The following GPR139 variants were observed in gnomAD, a reference collection of about 807,000 sequenced individuals.
GPR139 encodes the protein probable G protein-coupled receptor 139.
Under a neutral mutation model 25.8 loss-of-function variants are expected in GPR139, and 12 were observed. That is an observed-to-expected ratio of 0.47 (90% CI 0.30 to 0.75). The LOEUF (loss-of-function observed/expected upper bound fraction) is 0.75, where lower values mean the gene tolerates loss of function less well. Among genes scored for constraint, GPR139 ranks in the 30% least tolerant of loss-of-function variants. The pLI is 0.07. For synonymous variants in GPR139, 184 were observed against 179.9 expected (o/e 1.02, Z -0.18); for missense variants, 380 against 450.2 (o/e 0.84, Z 1.41).
At chr16:20,038,174 TC>T (rs565502770) in intron 1 of GPR139, among the ~76,000 whole-genome samples, 4 of 151,660 alleles carry the variant, frequency 2.6e-5, no homozygotes, top group Admixed American at 6.6e-5. Flanking sequence ...AACCTCTTTT[TC>T]CCCCCCATCC....
At chr16:20,041,595 TCAGTGGTCA>T (rs2057336551) in intron 1 of GPR139, among the ~76,000 whole-genome samples, 1 of 151,980 alleles carries the variant, frequency 6.6e-6, no homozygotes, top group African/African-American at 2.4e-5. Flanking sequence ...CTGACAAGAC[TCAGTGGTCA>T]GTCTTTTAGC....
chr16:20,043,221 T>C (rs938948862), intron 1 of GPR139, among the ~76,000 whole-genome samples: 1 of 152,202 alleles, frequency 6.6e-6, no homozygotes, highest in Admixed American at 6.5e-5. Context: ...TGACCTCCTC[T>C]TGACAGCAGA....
intron 1 of GPR139, among the ~76,000 whole-genome samples, chr16:20,053,366 G>C (rs2057378799): frequency 6.6e-6 from 1 of 152,212 alleles, no homozygotes; most frequent in African/African-American, 2.4e-5. Flanking sequence ...CCAGGAGGAA[G>C]AGGATCTTCC....
chr16:20,062,618 C>T (rs573857869), intron 1 of GPR139, among the ~76,000 whole-genome samples: 2 of 152,264 alleles, frequency 1.3e-5, no homozygotes, highest in South Asian at 2.1e-4. Flanking sequence ...TCTTGTGTCA[C>T]GAGTACTATC....
At chr16:20,036,207 T>C (rs1366348772) in intron 1 of GPR139, among the ~76,000 whole-genome samples, 1 of 152,158 alleles carries the variant, frequency 6.6e-6, no homozygotes, top group Non-Finnish European at 1.5e-5. Context: ...CCTAATCATA[T>C]ATAGTCAGAG....
chr16:20,052,549 G>A (rs1156513446), intron 1 of GPR139, among the ~76,000 whole-genome samples: 2 of 152,310 alleles, frequency 1.3e-5, no homozygotes, highest in East Asian at 3.9e-4. Flanking sequence ...TGTAATCCCA[G>A]CACTTTGGGA....
chr16:20,054,521 C>G (rs183557562), intron 1 of GPR139, among the ~76,000 whole-genome samples: 1 of 151,884 alleles, frequency 6.6e-6, no homozygotes, highest in Non-Finnish European at 1.5e-5. Context: ...AAAGCCCAGA[C>G]GTATCAGTAA....
intron 1 of GPR139, among the ~76,000 whole-genome samples, chr16:20,067,605 G>T (rs917911867): frequency 6.6e-6 from 1 of 152,062 alleles, no homozygotes; most frequent in Non-Finnish European, 1.5e-5. Context: ...GGGAGTTTGA[G>T]ACCAGCCTGA....
chr16:20,036,244 G>A (rs2141201423), intron 1 of GPR139, among the ~76,000 whole-genome samples: 1 of 152,248 alleles, frequency 6.6e-6, no homozygotes, highest in Non-Finnish European at 1.5e-5. Context: ...CTGTAAAGAG[G>A]TTGAGGTCTA....
intron 1 of GPR139, among the ~76,000 whole-genome samples, chr16:20,069,558 A>C (rs16969515): frequency 2.0e-5 from 3 of 151,806 alleles, no homozygotes; most frequent in Admixed American, 6.6e-5. Context: ...TCTTGCACCA[A>C]CTCTCAAAGG....
intron 1 of GPR139, among the ~76,000 whole-genome samples, chr16:20,047,021 T>A (rs1444327824): frequency 6.6e-6 from 1 of 152,060 alleles, no homozygotes; most frequent in Non-Finnish European, 1.5e-5. Flanking sequence ...CAGTGAGCTA[T>A]GTTCATGCAA....
chr16:20,037,527 T>G (rs2057314399), intron 1 of GPR139, among the ~76,000 whole-genome samples: 1 of 151,760 alleles, frequency 6.6e-6, no homozygotes, highest in South Asian at 2.1e-4. Context: ...GGAAAAGGAT[T>G]CTAGGCAGTG....
Position 20,039,790 on chromosome 16 carries a change from C to A in GPR139, c.128-7121G>T, listed in dbSNP as rs113751458. ...AGAAGGGGAAAGTCTGTCAAAACCC[C>A]GTCTTCCATGGATAATGTGTCAGCT... On this transcript the variant is annotated intron_variant, in intron 1 of 1. Transcript: ENST00000570682. Among the ~76,000 whole-genome samples the A allele has an allele frequency of 2.8e-4, 42 of 152,252 alleles. 1 individual carries two copies. Among genetic ancestry groups the A allele is most frequent in the African/African-American group, 9.9e-4 (41 of 41,562 alleles).
Position 20,032,367 on chromosome 16 carries a change from G to A in GPR139, c.430C>T (p.Arg144Cys), listed in dbSNP as rs750115024. The A allele has an allele frequency of 4.3e-6, 7 of 1,614,206 alleles. No individual in the cohort carries two copies. Among genetic ancestry groups the A allele is most frequent in the East Asian group, 2.2e-5 (1 of 44,888 alleles). The change falls in exon 2 of 2, where the codon CGC becomes TGC. Residue 144 changes from arginine (R) to cysteine (C), a missense_variant. By Grantham distance (180) the Arg-to-Cys change is radical. Coordinates refer to ENST00000570682, the MANE Select transcript of GPR139 (RefSeq NM_001002911.4). The part of the protein sequence containing the change: ...LKYHTVSYPA[R>C]TRKVIVSVYI... ...ACACTTACAATGACTTTCCGGGTGCGGGCTGGGTATGAGACCGTGTGGTAC... is the reference window on the plus strand; with the variant it reads ...ACACTTACAATGACTTTCCGGGTGCAGGCTGGGTATGAGACCGTGTGGTAC...
rs1323400809 is a variant in GPR139, at chr16:20,073,113, C to G, written c.127+377G>C. 6.6e-6 allele frequency among the ~76,000 whole-genome samples: 1 copy of G among 152,126 alleles called. No homozygotes were observed. Among genetic ancestry groups the G allele is most frequent in the African/African-American group, 2.4e-5 (1 of 41,440 alleles). On this transcript the variant is annotated intron_variant, in intron 1 of 1. Transcript: ENST00000570682. This position sits in a 1 kb window ranked among gnomAD's most constrained non-coding sequence, Gnocchi z 4.7. ...GGAAGCCTCCACGAAGCCTTCTGTC[C>G]AGAACATGCAGTCAAGCCAAACACA...
At chr16:20,056,933 A>G (rs1273199951) in intron 1 of GPR139, among the ~76,000 whole-genome samples, 1 of 152,150 alleles carries the variant, frequency 6.6e-6, no homozygotes, top group Non-Finnish European at 1.5e-5. Flanking sequence ...AAATTCACCT[A>G]CCTGTCCTTG....
chr16:20,033,062 C>G (rs192051387), intron 1 of GPR139, among the ~76,000 whole-genome samples: 1 of 149,642 alleles, frequency 6.7e-6, no homozygotes, highest in African/African-American at 2.5e-5. Context: ...CCGTGAGAGG[C>G]GATGCTGCCA....
intron 1 of GPR139, among the ~76,000 whole-genome samples, chr16:20,036,159 C>T (rs190202239): frequency 2.0e-5 from 3 of 152,242 alleles, no homozygotes; most frequent in Admixed American, 6.5e-5. Flanking sequence ...GTGAAGGGCC[C>T]TGATTAAAGG....
chr16:20,032,757 C>T (rs1339676931), intron 1 of GPR139, 88 bp from the exon 2 acceptor site: 5 of 885,788 alleles, frequency 5.6e-6, no homozygotes, highest in Non-Finnish European at 7.0e-6. Context: ...GTTTATTTTG[C>T]ACTCCCATGG....
Sources: gnomAD v4.1 joint callset for allele counts (sites outside exome capture counted in the v4.1 genomes callset) on GRCh38, gnomAD v4.1.1 for gene constraint, Gnocchi (gnomAD v3.1) non-coding constraint, MANE v1.5 for transcripts, NCBI Gene and HGNC (gene_info 2026-07-23, HGNC 2026-07-21) for gene names.